The following CDYL variants were observed in gnomAD, a reference collection of about 807,000 sequenced individuals.
CDYL encodes the protein chromodomain Y like, also known as chromodomain Y-like protein.
A neutral mutation model predicts 47.3 loss-of-function variants in CDYL; 8 were observed. That is an observed-to-expected ratio of 0.17 (90% CI 0.10 to 0.31). The LOEUF (loss-of-function observed/expected upper bound fraction) is 0.31. Among genes scored for constraint, CDYL ranks in the 10% least tolerant of loss-of-function variants. The probability of loss-of-function intolerance (pLI) is 1.00; values close to 1 mark genes in which losing one functional copy is unlikely to be tolerated. For missense variants in CDYL, 471 were observed against 701.4 expected, an observed-to-expected ratio of 0.67 and a Z score of 3.71; for synonymous variants, 266 against 265.0, an observed-to-expected ratio of 1.00 and a Z score of -0.04.
chr6:4,724,616 A>G (rs9392627), intron 2 of CDYL: 70,643 of 152,016 alleles, frequency 0.46, 17,506 homozygotes, highest in African/African-American at 0.66. Flanking sequence ...CTTCCTTCTG[A>G]TGGGTTCGTG....
chr6:4,856,363 A>T (rs1053111377), intron 1 of CDYL, among the ~76,000 whole-genome samples: 1 of 152,172 alleles, frequency 6.6e-6, no homozygotes, highest in Non-Finnish European at 1.5e-5. Context: ...GGTCGGCCGG[A>T]TAGATAATTG....
chr6:4,931,850 G>C (rs1198667464), intron 2 of CDYL, among the ~76,000 whole-genome samples: 1 of 152,196 alleles, frequency 6.6e-6, no homozygotes, highest in Admixed American at 6.5e-5. Flanking sequence ...CAGTAGTCTT[G>C]GTCAGCGTGA....
At chr6:4,727,648 G>T (rs1201742100) in intron 2 of CDYL, among the ~76,000 whole-genome samples, 2 of 125,638 alleles carry the variant, frequency 1.6e-5, no homozygotes, top group African/African-American at 6.2e-5. Context: ...ATTTGATGCT[G>T]TGTTTAGCAT....
intron 2 of CDYL, among the ~76,000 whole-genome samples, chr6:4,731,065 C>T (rs9405772): frequency 0.14 from 21,616 of 152,180 alleles, 2,031 homozygotes; most frequent in African/African-American, 0.28. Flanking sequence ...TTGCTCATTC[C>T]GTAACGATGC....
At chr6:4,862,096 G>A (rs145865725) in intron 1 of CDYL, among the ~76,000 whole-genome samples, 24 of 152,212 alleles carry the variant, frequency 1.6e-4, no homozygotes, top group African/African-American at 5.3e-4. Context: ...GCTCTTGCGG[G>A]TACTGTGCAG....
chr6:4,723,632 C>T (rs1757417978), intron 2 of CDYL, among the ~76,000 whole-genome samples: 1 of 152,150 alleles, frequency 6.6e-6, no homozygotes, highest in African/African-American at 2.4e-5. Flanking sequence ...TAGCACTGTG[C>T]CTCCCACTGG....
chr6:4,882,611 A>T (rs1376782276), intron 1 of CDYL, among the ~76,000 whole-genome samples: 3 of 152,254 alleles, frequency 2.0e-5, no homozygotes. Flanking sequence ...TTGTTAAGGC[A>T]GAAGGCTAAC....
At chr6:4,710,601 T>C (rs1407100121) in intron 1 of CDYL, among the ~76,000 whole-genome samples, 1 of 152,068 alleles carries the variant, frequency 6.6e-6, no homozygotes, top group East Asian at 1.9e-4. Flanking sequence ...TAGGGCCTCG[T>C]TTCACAGGCC....
At position 4,892,312 on chromosome 6, in the gene CDYL, A is replaced by T. The variant is rs1762071980; in HGVS notation, c.624A>T (p.Pro208=). ...TGGGGAGCAGGCCCAGGATACACCC[A>T]CTAGTGCCTCAGGTGCCCGGCCCTG... ...ARMGSRPRIH[P]LVPQVPGPVT... is the part of the protein sequence containing the mutation. Residue 208 remains proline, a synonymous_variant, in exon 2 of 7, where the codon CCA becomes CCT. Coordinates refer to ENST00000397588, the MANE Select transcript of CDYL (RefSeq NM_004824.4). 1.9e-6 allele frequency: 3 copies of T among 1,614,060 alleles called. No individual in the cohort carries two copies. In the East Asian group the frequency reaches 6.7e-5, roughly 36 times the overall value.
chr6:4,720,035 C>A (rs1055453061), intron 2 of CDYL, among the ~76,000 whole-genome samples: 2 of 152,234 alleles, frequency 1.3e-5, no homozygotes, highest in Non-Finnish European at 2.9e-5. Context: ...GTCCATTAAT[C>A]TTTACTGCAT....
At chr6:4,944,982 A>G (rs188868973) in intron 5 of CDYL, among the ~76,000 whole-genome samples, 7 of 152,174 alleles carry the variant, frequency 4.6e-5, no homozygotes, top group Admixed American at 3.9e-4. Context: ...TCAGGCCCAG[A>G]CTGGGGGGCA....
chr6:4,853,290 G>A (rs987308448), intron 1 of CDYL, among the ~76,000 whole-genome samples: 1 of 152,132 alleles, frequency 6.6e-6, no homozygotes, highest in Non-Finnish European at 1.5e-5. Flanking sequence ...TAACAACCGC[G>A]AGGGTAGATA....
At chr6:4,882,717 T>G (rs1470142140) in intron 1 of CDYL, among the ~76,000 whole-genome samples, 1 of 152,214 alleles carries the variant, frequency 6.6e-6, no homozygotes, top group Non-Finnish European at 1.5e-5. Flanking sequence ...ATTTTTGTAG[T>G]GGACCCTGGC....
intron 1 of CDYL, among the ~76,000 whole-genome samples, chr6:4,860,472 C>T (rs1761132596): frequency 6.7e-6 from 1 of 148,854 alleles, no homozygotes; most frequent in African/African-American, 2.5e-5. Flanking sequence ...TTAGGGTTCT[C>T]TTAGAGGGAC....
chr6:4,838,902 G>A (rs1399673086), intron 1 of CDYL, among the ~76,000 whole-genome samples: 1 of 152,134 alleles, frequency 6.6e-6, no homozygotes, highest in African/African-American at 2.4e-5. Flanking sequence ...GGCCAGGCTG[G>A]TCTTGAACTC....
intron 1 of CDYL, among the ~76,000 whole-genome samples, chr6:4,807,972 C>T (rs78145721): frequency 0.01 from 1,532 of 152,066 alleles, 37 homozygotes; most frequent in African/African-American, 0.035. Flanking sequence ...TATTCTTATT[C>T]TGTTACTCAG....
At chr6:4,722,089 T>C (rs956348406) in intron 2 of CDYL, among the ~76,000 whole-genome samples, 5 of 151,988 alleles carry the variant, frequency 3.3e-5, no homozygotes, top group Admixed American at 6.6e-5. Flanking sequence ...TCCTGACCTT[T>C]TGATCCGCAT....
intron 2 of CDYL, among the ~76,000 whole-genome samples, chr6:4,897,499 C>T (rs990860118): frequency 2.6e-5 from 4 of 152,218 alleles, no homozygotes; most frequent in Admixed American, 2.6e-4. Flanking sequence ...TCTCCCTTTC[C>T]TCTGTGATTA....
intron 1 of CDYL, among the ~76,000 whole-genome samples, chr6:4,819,117 TC>T (rs1191280044): frequency 1.1e-3 from 17 of 15,356 alleles, no homozygotes; most frequent in Admixed American, 1.1e-3. Context: ...TTAGGTTCGT[TC>T]TCTCTCTCTC....
Sources: allele counts gnomAD v4.1 joint callset (sites outside exome capture counted in the v4.1 genomes callset), GRCh38; gene constraint gnomAD v4.1.1; transcripts MANE v1.5; gene names NCBI Gene and HGNC (gene_info 2026-07-23, HGNC 2026-07-21).